ATP13A4: variants seen among roughly 807,000 people sequenced by gnomAD.
The protein encoded by ATP13A4 is probable cation-transporting ATPase 13A4.
ATP13A4 carries 114 observed loss-of-function variants against 142.5 expected under a neutral mutation model. The observed-to-expected ratio is 0.80, with a 90% CI of 0.69 to 0.93. The LOEUF is 0.93. Ranked by LOEUF, ATP13A4 falls within the 40% of genes least tolerant of loss-of-function variation. The pLI, the probability that ATP13A4 is intolerant of heterozygous loss-of-function variation, is 0.00. For synonymous variants in ATP13A4, 488 were observed against 514.8 expected, an observed-to-expected ratio of 0.95 and a Z score of 0.70; for missense variants, 1,392 against 1,454.0, an observed-to-expected ratio of 0.96 and a Z score of 0.69.
rs181249839 is a variant in ATP13A4 at position 193,467,507 on chromosome 3, G to A, written c.944-21C>T. ...TTCTCCTACAGAAAACAAGCATCTT[G>A]TTTTGTGAGGCAGGATGGCTTCCCT... is the stretch of plus-strand genomic sequence containing the variant. On this transcript the variant is annotated intron_variant, in intron 9 of 29. Transcript: ENST00000342695. 3,463 of 1,610,544 alleles carry A rather than the reference G, an allele frequency of 2.2e-3. 11 individuals are homozygous for A. Among genetic ancestry groups the A allele is most frequent in the Non-Finnish European group, 2.1e-3 (2,440 of 1,178,018 alleles).
chr3:193,521,272 G>GA (rs71179307), intron 1 of ATP13A4, among the ~76,000 whole-genome samples: 28,524 of 151,950 alleles, frequency 0.19, 2,787 homozygotes, highest in East Asian at 0.24. Context: ...AAGCACAAGG[G>GA]AAAAAATAGT....
intron 25 of ATP13A4, among the ~76,000 whole-genome samples, chr3:193,421,601 C>T (rs1409988607): frequency 1.3e-5 from 2 of 149,534 alleles, no homozygotes; most frequent in African/African-American, 2.5e-5. Flanking sequence ...ATAGTAACTA[C>T]AATACATTGT....
chr3:193,533,755 C>T (rs1055279085), intron 1 of ATP13A4, among the ~76,000 whole-genome samples: 6 of 152,278 alleles, frequency 3.9e-5, no homozygotes, highest in African/African-American at 1.4e-4. Flanking sequence ...AAACTTCCAT[C>T]CTCACCAGAC....
upstream of ATP13A4, among the ~76,000 whole-genome samples, chr3:193,555,809 C>A (rs538102285): frequency 3.9e-5 from 6 of 152,188 alleles, no homozygotes; most frequent in South Asian, 1.2e-3. Flanking sequence ...AGAAACACAC[C>A]CCTACCCTAG....
chr3:193,587,163 G>A lies in ATP13A4; in HGVS notation n.92-5257C>T, dbSNP rs191386922. ...CAATGGCTGCTGTAACAAGTGACCT[G>A]AAACTGGGTGGGTTAAAACCACAGA... On this transcript the variant is annotated intron_variant and non_coding_transcript_variant, in intron 1 of 3. Coordinates refer to the ATP13A4 transcript ENST00000489140. 1.3e-5 allele frequency among the ~76,000 whole-genome samples: 2 copies of A among 152,196 alleles called. 1 individual carries two copies. The highest frequency in any genetic ancestry group is 4.1e-4 in the South Asian group (2 of 4,824).
intron 25 of ATP13A4, among the ~76,000 whole-genome samples, chr3:193,429,824 A>G (rs956693821): frequency 6.6e-6 from 1 of 152,098 alleles, no homozygotes; most frequent in East Asian, 1.9e-4. Context: ...AATAAGATGC[A>G]CTATATAGAA....
intron 1 of ATP13A4, among the ~76,000 whole-genome samples, chr3:193,541,095 A>G (rs1208352602): frequency 6.6e-6 from 1 of 151,840 alleles, no homozygotes; most frequent in Non-Finnish European, 1.5e-5. Context: ...TAAAAATACA[A>G]AAAATTAGCC....
chr3:193,493,038 AT>A, intron 4 of ATP13A4, 41 bp from the exon 5 acceptor site: 1 of 1,603,400 alleles, frequency 6.2e-7, no homozygotes, highest in Non-Finnish European at 8.5e-7. Context: ...TAGCAATAAT[AT>A]TTTTGAGATA....
intron 7 of ATP13A4, among the ~76,000 whole-genome samples, chr3:193,485,936 A>AT (rs1719589359): frequency 6.6e-6 from 1 of 151,638 alleles, no homozygotes; most frequent in African/African-American, 2.4e-5. Context: ...AAAAAAAAAA[A>AT]GAAAATCCAA....
At chr3:193,406,229 T>C (rs1714483403) in intron 29 of ATP13A4, among the ~76,000 whole-genome samples, 1 of 152,144 alleles carries the variant, frequency 6.6e-6, no homozygotes, top group Admixed American at 6.5e-5. Context: ...TAGAGAGAAG[T>C]TCCAGTACTG....
chr3:193,472,046 TA>T (rs1174603406), intron 8 of ATP13A4, among the ~76,000 whole-genome samples: 2 of 152,058 alleles, frequency 1.3e-5, no homozygotes, highest in Admixed American at 1.3e-4. Flanking sequence ...GGTGTCTACA[TA>T]GGAGTGGGAT....
intron 17 of ATP13A4, 24 bp downstream of exon 17, chr3:193,454,077 T>C (rs1157529544): frequency 2.5e-6 from 4 of 1,569,390 alleles, no homozygotes; most frequent in Non-Finnish European, 3.5e-6. Context: ...ACCTTTCTGC[T>C]TTATCAAAAT....
At chr3:193,590,945 C>T (rs192850199) in intron 1 of ATP13A4, among the ~76,000 whole-genome samples, 14 of 152,228 alleles carry the variant, frequency 9.2e-5, no homozygotes, top group African/African-American at 3.4e-4. Context: ...CTCCTGGTTC[C>T]GAGACATTTT....
intron 2 of ATP13A4, among the ~76,000 whole-genome samples, chr3:193,510,408 C>T (rs1466340420): frequency 6.6e-6 from 1 of 152,114 alleles, no homozygotes; most frequent in East Asian, 1.9e-4. Flanking sequence ...TCTTTGACAA[C>T]ATGTAACCTA....
intron 1 of ATP13A4, among the ~76,000 whole-genome samples, chr3:193,546,941 C>T (rs1723263318): frequency 6.6e-6 from 1 of 152,186 alleles, no homozygotes; most frequent in Admixed American, 6.5e-5. Flanking sequence ...GATCAATCAC[C>T]ATATAAGTAT....
intron 1 of ATP13A4, among the ~76,000 whole-genome samples, chr3:193,591,557 G>C (rs1176942595): frequency 6.6e-6 from 1 of 152,168 alleles, no homozygotes; most frequent in Admixed American, 6.5e-5. Flanking sequence ...TATGTGTCTA[G>C]TTCCTATACA....
At chr3:193,565,772 C>T (rs1724118727) in intron 2 of ATP13A4, among the ~76,000 whole-genome samples, 1 of 152,204 alleles carries the variant, frequency 6.6e-6, no homozygotes, top group Non-Finnish European at 1.5e-5. Flanking sequence ...AGACCAAACA[C>T]TATTAAGTGG....
intron 1 of ATP13A4, among the ~76,000 whole-genome samples, chr3:193,589,896 T>C (rs1724731428): frequency 6.6e-6 from 1 of 151,698 alleles, no homozygotes; most frequent in Admixed American, 6.6e-5. Flanking sequence ...TCATATTAAA[T>C]TGTATTCATA....
At chr3:193,417,702 T>TAATAAATATTAGTGAGAATG (rs1576939695) in intron 25 of ATP13A4, among the ~76,000 whole-genome samples, 17 of 137,728 alleles carry the variant, frequency 1.2e-4, no homozygotes, top group Admixed American at 4.4e-4. Flanking sequence ...AAAAAAGAAA[T>TAATAAATATTAGTGAGAATG]TGGCCAGGCG....
Sources: gnomAD v4.1 joint callset for allele counts (sites outside exome capture counted in the v4.1 genomes callset) on GRCh38, gnomAD v4.1.1 for gene constraint, MANE v1.5 for transcripts, NCBI Gene and HGNC (gene_info 2026-07-23, HGNC 2026-07-21) for gene names.